ROR1: variants seen among roughly 807,000 people sequenced by gnomAD.
The protein encoded by ROR1 is ROR family WNT receptor 1.
In ROR1, 19 loss-of-function variants were observed where a neutral mutation model predicts 78.8. That is an observed-to-expected ratio of 0.24 (90% CI 0.17 to 0.35). The LOEUF is 0.35. Among genes scored for constraint, ROR1 ranks in the 10% least tolerant of loss-of-function variants. The pLI is 1.00. For synonymous variants in ROR1, 386 were observed against 433.6 expected (o/e 0.89, Z 1.36); for missense variants, 917 against 1,177.8 (o/e 0.78, Z 3.24).
rs143138985 is a variant in ROR1, at chr1:64,151,958, G to A, written c.1175-7023G>A. ...TTTATAAAATCAGAGAACCTTGGGAGCAACCATAGAAATCATCCAGCCTCT... is the reference window on the plus strand; with the variant it reads ...TTTATAAAATCAGAGAACCTTGGGAACAACCATAGAAATCATCCAGCCTCT... On this transcript the variant is annotated intron_variant, in intron 7 of 8. Transcript: ENST00000371079. Among the ~76,000 whole-genome samples the A allele has an allele frequency of 1.3e-3, 203 of 152,010 alleles. 1 individual carries two copies. The highest frequency in any genetic ancestry group is 0.011 in the Admixed American group (175 of 15,276).
intron 1 of ROR1, among the ~76,000 whole-genome samples, chr1:63,813,453 A>C (rs1644872257): frequency 6.6e-6 from 1 of 152,216 alleles, no homozygotes; most frequent in African/African-American, 2.4e-5. Flanking sequence ...ATTGCCTTCC[A>C]GTATACTTGG....
intron 1 of ROR1, among the ~76,000 whole-genome samples, chr1:63,783,117 G>A (rs1301278687): frequency 6.6e-6 from 1 of 152,172 alleles, no homozygotes; most frequent in Non-Finnish European, 1.5e-5. Context: ...GGCCTTCACT[G>A]TGGAATGAAG....
chr1:64,177,512 C>T lies in ROR1; in HGVS notation c.1471C>T (p.His491Tyr). The change falls in exon 9 of 9, where the codon CAT (histidine) becomes TAT (tyrosine). Residue 491 changes from histidine to tyrosine, a missense_variant. By Grantham distance (83) the His-to-Tyr change is moderately conservative. Transcript: ENST00000371079. ...TGCCTTTGGAAAAATCTATAAAGGC[C>T]ATCTCTATCTCCCAGGCATGGACCA... ...ECAFGKIYKG[H>Y]LYLPGMDHAQ... is the part of the protein sequence containing the mutation. 6.2e-7 allele frequency: 1 copy of T among 1,614,066 alleles called. No individual in the cohort carries two copies. Among genetic ancestry groups the T allele is most frequent in the Non-Finnish European group, 8.5e-7 (1 of 1,180,012 alleles).
chr1:63,932,699 A>C (rs1645763765), intron 1 of ROR1, among the ~76,000 whole-genome samples: 1 of 152,206 alleles, frequency 6.6e-6, no homozygotes, highest in Admixed American at 6.5e-5. Flanking sequence ...AAGGGAAAAC[A>C]GTCCCAGAGG....
chr1:63,789,102 A>G (rs1014518206), intron 1 of ROR1: 1 of 615,858 alleles, frequency 1.6e-6, no homozygotes, highest in Admixed American at 1.8e-5. Context: ...CCGGTAGGCC[A>G]AGGTGTTTTC....
intron 1 of ROR1, among the ~76,000 whole-genome samples, chr1:63,872,536 GT>G (rs1268798504): frequency 6.6e-6 from 1 of 152,144 alleles, no homozygotes; most frequent in East Asian, 1.9e-4. Flanking sequence ...CTGACATATA[GT>G]TGGTGTTCCC....
chr1:63,837,137 C>T (rs1003723256), intron 1 of ROR1, among the ~76,000 whole-genome samples: 2 of 152,176 alleles, frequency 1.3e-5, no homozygotes, highest in Non-Finnish European at 2.9e-5. Context: ...TCTGCTTACC[C>T]TTTCAGTGAG....
intron 1 of ROR1, among the ~76,000 whole-genome samples, chr1:63,963,891 T>C (rs141525732): frequency 0.013 from 2,010 of 152,294 alleles, 50 homozygotes; most frequent in African/African-American, 0.046. Context: ...TTTCTAAGGA[T>C]GGCAGAGCAG....
chr1:63,932,149 C>T (rs1207506222), intron 1 of ROR1, among the ~76,000 whole-genome samples: 2 of 152,164 alleles, frequency 1.3e-5, no homozygotes, highest in Non-Finnish European at 2.9e-5. Context: ...TATTATTAAC[C>T]TCAGTTACTG....
intron 2 of ROR1, among the ~76,000 whole-genome samples, chr1:64,010,449 A>T (rs1281097303): frequency 6.6e-6 from 1 of 151,562 alleles, no homozygotes; most frequent in African/African-American, 2.4e-5. Context: ...GTGTGGAATG[A>T]TGAGTCACAT....
At chr1:64,174,830 A>G (rs1348636952) in intron 8 of ROR1, among the ~76,000 whole-genome samples, 2 of 152,148 alleles carry the variant, frequency 1.3e-5, no homozygotes, top group Admixed American at 6.5e-5. Context: ...AGACAAAAAA[A>G]GTAGGGTTGG....
chr1:64,000,262 C>T (rs1646371980), intron 1 of ROR1, among the ~76,000 whole-genome samples: 1 of 152,134 alleles, frequency 6.6e-6, no homozygotes, highest in Admixed American at 6.6e-5. Flanking sequence ...ATGTCCACAG[C>T]TACTGAAAGG....
chr1:64,133,752 C>T (rs185316009), intron 4 of ROR1, among the ~76,000 whole-genome samples: 131 of 152,322 alleles, frequency 8.6e-4, no homozygotes, highest in Non-Finnish European at 1.7e-3. Flanking sequence ...TGGGCACGCT[C>T]ACTGCAAGTG....
chr1:64,119,892 C>G (rs994941464), intron 4 of ROR1, among the ~76,000 whole-genome samples: 4 of 152,112 alleles, frequency 2.6e-5, no homozygotes, highest in African/African-American at 4.8e-5. Flanking sequence ...ATTCCAAAGC[C>G]CTTGCTCTTG....
chr1:63,892,115 C>T (rs1420059510), intron 1 of ROR1, among the ~76,000 whole-genome samples: 1 of 152,188 alleles, frequency 6.6e-6, no homozygotes, highest in African/African-American at 2.4e-5. Context: ...TAATTCACTT[C>T]TAATGGACCA....
intron 4 of ROR1, among the ~76,000 whole-genome samples, chr1:64,057,508 A>G (rs1350267072): frequency 4.6e-5 from 7 of 152,234 alleles, no homozygotes; most frequent in Admixed American, 4.6e-4. Context: ...GCAGGGAGCC[A>G]GGAGGCACAG....
At chr1:64,083,507 G>A (rs1647121029) in intron 4 of ROR1, among the ~76,000 whole-genome samples, 1 of 150,416 alleles carries the variant, frequency 6.6e-6, no homozygotes, top group Admixed American at 6.6e-5. Flanking sequence ...GCTAATTAGA[G>A]TAATAATTTC....
chr1:63,881,228 T>G (rs1301663406), intron 1 of ROR1, among the ~76,000 whole-genome samples: 1 of 152,138 alleles, frequency 6.6e-6, no homozygotes, highest in African/African-American at 2.4e-5. Flanking sequence ...CTCTAGGAAT[T>G]TTTCTTTTTG....
intron 4 of ROR1, chr1:64,094,463 C>CGGTTTACT: frequency 6.6e-6 from 1 of 152,290 alleles, no homozygotes; most frequent in African/African-American, 2.4e-5. Context: ...CTTACATCTC[C>CGGTTTACT]GGTTTACTTT....
Sources: allele counts gnomAD v4.1 joint callset (sites outside exome capture counted in the v4.1 genomes callset), GRCh38; gene constraint gnomAD v4.1.1; transcripts MANE v1.5; gene names NCBI Gene and HGNC (gene_info 2026-07-23, HGNC 2026-07-21).